EFCAB8: variants seen among roughly 807,000 people sequenced by gnomAD.
The protein encoded by EFCAB8 is EF-hand calcium-binding domain-containing protein 8.
Under a neutral mutation model 116.3 loss-of-function variants are expected in EFCAB8, and 100 were observed. That is an observed-to-expected ratio of 0.86 (90% CI 0.73 to 1.02). The LOEUF (loss-of-function observed/expected upper bound fraction) is 1.02. Ranked by LOEUF, EFCAB8 falls within the 50% of genes least tolerant of loss-of-function variation. The probability of loss-of-function intolerance (pLI) is 0.00; values close to 1 mark genes in which losing one functional copy is unlikely to be tolerated. For synonymous variants in EFCAB8, 558 were observed against 567.9 expected (o/e 0.98, Z 0.25); for missense variants, 1,320 against 1,416.9 (o/e 0.93, Z 1.10).
intron 7 of EFCAB8, among the ~76,000 whole-genome samples, chr20:32,890,310 T>C (rs572912623): frequency 2.6e-5 from 4 of 152,152 alleles, no homozygotes; most frequent in Non-Finnish European, 4.4e-5. Flanking sequence ...AGCCTCTGCT[T>C]TTCTTTTGGC....
intron 23 of EFCAB8, among the ~76,000 whole-genome samples, chr20:32,948,678 A>T (rs576517320): frequency 6.6e-6 from 1 of 152,190 alleles, no homozygotes; most frequent in Admixed American, 6.5e-5. Flanking sequence ...TCCAGCAATG[A>T]TCACATAGGG....
At chr20:32,934,873 C>T (rs190562027) in intron 22 of EFCAB8, among the ~76,000 whole-genome samples, 3 of 152,254 alleles carry the variant, frequency 2.0e-5, no homozygotes, top group East Asian at 1.9e-4. Context: ...TACCCAGTCT[C>T]GGATATGTCT....
At position 32,885,518 on chromosome 20, in the gene EFCAB8, GA is replaced by G; in HGVS notation, c.446del (p.Glu149GlyfsTer3). ...CGCCTCCCACAGGAACCATGGCTGT[GA>G]GGTGGTGAAGGTGGTGTTTTTAATC... ...MTVVPLNHGC[E>X]VVKVVFLIHR... On this transcript the variant is annotated frameshift_variant, in exon 6 of 27. Transcript: ENST00000400522. LOFTEE classifies it high-confidence loss of function. The G allele has an allele frequency of 6.4e-7, 1 of 1,551,776 alleles. No homozygotes were observed. Among genetic ancestry groups the G allele is most frequent in the South Asian group, 1.2e-5 (1 of 84,048 alleles).
rs1419173314 is a variant in EFCAB8, at chr20:32,910,090, A to G, written c.1557+159A>G. On this transcript the variant is annotated intron_variant, in intron 15 of 26. Transcript: ENST00000400522. ...GGTGCTGGGGCAGCGGGATAGACAC[A>G]GAAAGCAGCTCTACAGATGGGCTGG... Among the ~76,000 whole-genome samples, 4 of 152,306 alleles carry G rather than the reference A, an allele frequency of 2.6e-5. No homozygotes were observed. In the East Asian group the frequency reaches 5.8e-4, roughly 22 times the overall value.
chr20:32,951,927 C>T, intron 23 of EFCAB8, among the ~76,000 whole-genome samples: 1 of 152,120 alleles, frequency 6.6e-6, no homozygotes, highest in Middle Eastern at 3.2e-3. Flanking sequence ...TTTTTCTCCA[C>T]TACTGTGGCT....
At chr20:32,961,073 G>C (rs1675918902) in intron 26 of EFCAB8, 63 bp from the exon 27 acceptor site, 1 of 1,425,044 alleles carries the variant, frequency 7.0e-7, no homozygotes, top group African/African-American at 1.4e-5. Flanking sequence ...GTCTACTCTT[G>C]ATCCTGGGTG....
At chr20:32,945,587 C>T (rs1190011175) in intron 23 of EFCAB8, among the ~76,000 whole-genome samples, 2 of 152,036 alleles carry the variant, frequency 1.3e-5, no homozygotes, top group African/African-American at 4.8e-5. Flanking sequence ...ATTAATATAC[C>T]TCAATTTCTT....
chr20:32,875,389 G>A (rs1007038729), intron 3 of EFCAB8, among the ~76,000 whole-genome samples: 8 of 152,164 alleles, frequency 5.3e-5, no homozygotes, highest in East Asian at 1.9e-4. Flanking sequence ...TAAGGGCCCC[G>A]TCTTTGGCTG....
At chr20:32,878,077 G>A (rs1934300238) in intron 4 of EFCAB8, among the ~76,000 whole-genome samples, 1 of 152,044 alleles carries the variant, frequency 6.6e-6, no homozygotes, top group Non-Finnish European at 1.5e-5. Context: ...ACCAGCCTGG[G>A]CAACATGGCG....
intron 22 of EFCAB8, among the ~76,000 whole-genome samples, chr20:32,939,125 C>CTT (rs1555868878): frequency 7.1e-5 from 4 of 56,558 alleles, no homozygotes; most frequent in African/African-American, 1.3e-4. Flanking sequence ...CTCTTTCTTT[C>CTT]TCTTTCTTTC....
chr20:32,919,990 C>T, intron 19 of EFCAB8, 88 bp from the exon 20 acceptor site: 1 of 1,526,602 alleles, frequency 6.6e-7, no homozygotes, highest in Non-Finnish European at 8.9e-7. Context: ...GGGAGTGCCG[C>T]TCTTTTATCA....
At chr20:32,865,650 T>C (rs992825585) in intron 2 of EFCAB8, among the ~76,000 whole-genome samples, 1 of 151,822 alleles carries the variant, frequency 6.6e-6, no homozygotes, top group Admixed American at 6.6e-5. Context: ...ATACAAAAAA[T>C]TAGCCAGGCG....
intron 24 of EFCAB8, among the ~76,000 whole-genome samples, chr20:32,959,085 A>G (rs1054032566): frequency 5.9e-5 from 9 of 152,212 alleles, no homozygotes; most frequent in African/African-American, 2.2e-4. Flanking sequence ...TGGTTCATTC[A>G]AGAAAATGTG....
chr20:32,899,506 G>C (rs1986330496), intron 11 of EFCAB8, among the ~76,000 whole-genome samples: 1 of 151,964 alleles, frequency 6.6e-6, no homozygotes. Context: ...TTGGAGTCCT[G>C]AGGGGCCCCC....
intron 20 of EFCAB8, among the ~76,000 whole-genome samples, chr20:32,929,602 A>G (rs904295365): frequency 4.0e-5 from 6 of 148,764 alleles, no homozygotes; most frequent in African/African-American, 1.2e-4. Context: ...TCGGCCTCCC[A>G]AAGTGCTAGG....
chr20:32,943,877 T>G, intron 23 of EFCAB8, 73 bp downstream of exon 23: 1 of 414,742 alleles, frequency 2.4e-6, no homozygotes, highest in East Asian at 3.6e-5. Context: ...CATAAGCTGG[T>G]ATGAACTTTG....
At chr20:32,956,922 T>C (rs1988981022) in intron 23 of EFCAB8, among the ~76,000 whole-genome samples, 1 of 151,468 alleles carries the variant, frequency 6.6e-6, no homozygotes, top group Non-Finnish European at 1.5e-5. Context: ...TGACTTTGTC[T>C]CATAGGTCTC....
chr20:32,909,676 G>A (rs956240073), intron 14 of EFCAB8, 145 bp from the exon 15 acceptor site: 1 of 409,108 alleles, frequency 2.4e-6, no homozygotes, highest in Non-Finnish European at 4.3e-6. Context: ...GCCTGCTGAG[G>A]AACCTGGAGT....
In EFCAB8 at chr20:32,920,209, G is replaced by A. The variant is rs116944486; in HGVS notation, c.2406G>A (p.Val802=). Residue 802 remains valine, a synonymous_variant, in exon 20 of 27, where the codon GTG becomes GTA. Coordinates refer to ENST00000400522, the MANE Select transcript of EFCAB8 (RefSeq NM_001143967.2). ...TGTTGGTTCAATCCAGTGCCTCGGT[G>A]GAGAAGGTTGGCCGTGATCAGCCAG... ...KNMLVQSSAS[V]EKIIFLQTRP... is the part of the protein sequence containing the mutation. The A allele has an allele frequency of 4.7e-3, 7,346 of 1,551,680 alleles. 21 individuals are homozygous for A. Among genetic ancestry groups the A allele is most frequent in the Non-Finnish European group, 5.8e-3 (6,693 of 1,146,982 alleles).
Sources: gnomAD v4.1 joint callset for allele counts (sites outside exome capture counted in the v4.1 genomes callset) on GRCh38, gnomAD v4.1.1 for gene constraint, MANE v1.5 for transcripts, NCBI Gene and HGNC (gene_info 2026-07-23, HGNC 2026-07-21) for gene names.